The following STAG1 variants were observed in gnomAD, a reference collection of about 807,000 sequenced individuals.
STAG1 encodes the protein cohesin subunit SA-1.
Under a neutral mutation model 170.9 loss-of-function variants are expected in STAG1, and 26 were observed. The ratio of observed to expected loss-of-function variants is 0.15; its 90% confidence interval spans 0.11 to 0.21. The LOEUF (loss-of-function observed/expected upper bound fraction) is 0.21. Ranked by LOEUF, STAG1 falls within the 10% of genes least tolerant of loss-of-function variation. The probability of loss-of-function intolerance (pLI) is 1.00; values close to 1 mark genes in which losing one functional copy is unlikely to be tolerated. For synonymous variants in STAG1, 514 were observed against 497.7 expected (o/e 1.03, Z -0.44); for missense variants, 964 against 1,509.5 (o/e 0.64, Z 5.99).
At chr3:136,422,885 G>C in intron 17 of STAG1, 28 bp from the exon 18 acceptor site, 2 of 1,593,826 alleles carry the variant, frequency 1.3e-6, no homozygotes, top group South Asian at 1.1e-5. Flanking sequence ...GAAAAAGACA[G>C]TAACTACTTT....
At chr3:136,550,705 G>A (rs577853215) in intron 5 of STAG1, among the ~76,000 whole-genome samples, 13 of 152,096 alleles carry the variant, frequency 8.5e-5, no homozygotes, top group Non-Finnish European at 1.2e-4. Context: ...GTGTAGAGTC[G>A]TTCCTTGTAG....
intron 22 of STAG1, among the ~76,000 whole-genome samples, chr3:136,394,320 T>C (rs930851499): frequency 1.3e-4 from 20 of 152,346 alleles, no homozygotes; most frequent in African/African-American, 4.8e-4. Context: ...GACTACTGAA[T>C]ATACCCTGGA....
intron 13 of STAG1, among the ~76,000 whole-genome samples, chr3:136,458,165 G>T (rs2089172178): frequency 6.7e-6 from 1 of 149,454 alleles, no homozygotes; most frequent in Admixed American, 6.6e-5. Flanking sequence ...TTGTTTGTTT[G>T]TTTTGTTTTG....
intron 4 of STAG1, among the ~76,000 whole-genome samples, chr3:136,569,172 TAAA>T (rs2107762458): frequency 6.6e-6 from 1 of 152,162 alleles, no homozygotes; most frequent in East Asian, 1.9e-4. Context: ...AAGAAAATGA[TAAA>T]AATTAACTTC....
chr3:136,506,187 G>A (rs941168888), intron 7 of STAG1, among the ~76,000 whole-genome samples: 1 of 152,160 alleles, frequency 6.6e-6, no homozygotes, highest in Non-Finnish European at 1.5e-5. Flanking sequence ...AGACTAAATA[G>A]GAGCAGTGAG....
At chr3:136,745,994 G>A (rs1024793466) in intron 1 of STAG1, among the ~76,000 whole-genome samples, 2 of 152,076 alleles carry the variant, frequency 1.3e-5, no homozygotes, top group Non-Finnish European at 2.9e-5. Flanking sequence ...GCAATAAGGG[G>A]TATGTTATAT....
chr3:136,375,166 A>T (rs187596236), intron 23 of STAG1, among the ~76,000 whole-genome samples: 1 of 152,308 alleles, frequency 6.6e-6, no homozygotes, highest in East Asian at 1.9e-4. Flanking sequence ...CCTTGTTGTT[A>T]AGTGGTGCAT....
At chr3:136,700,332 T>G (rs1943015600) in intron 1 of STAG1, among the ~76,000 whole-genome samples, 1 of 151,566 alleles carries the variant, frequency 6.6e-6, no homozygotes, top group Admixed American at 6.6e-5. Context: ...AATCTCGGTC[T>G]GCTGAATAAC....
At chr3:136,350,431 T>A (rs939968424) in intron 28 of STAG1, among the ~76,000 whole-genome samples, 1 of 152,074 alleles carries the variant, frequency 6.6e-6, no homozygotes, top group South Asian at 2.1e-4. Flanking sequence ...GAAGCTCCTT[T>A]TATCCCACCA....
rs921602148 is a variant in STAG1 at position 136,502,503 on chromosome 3, C to G, written c.828+125G>C. The G allele has an allele frequency of 1.1e-5, 12 of 1,056,016 alleles. No homozygotes were observed. In the African/African-American group the frequency reaches 1.6e-4, roughly 14 times the overall value. 65.4% of individuals were successfully genotyped at this position (1,056,016 alleles called of 1,614,324 possible). ...AACACTCCAGCTTCATTTGGAAACC[C>G]TGACATCAAATAATCTAACTAAATA... On this transcript the variant is annotated intron_variant, in intron 8 of 33. Coordinates refer to ENST00000383202, the MANE Select transcript of STAG1 (RefSeq NM_005862.3).
At chr3:136,676,088 TG>T (rs1404052669) in intron 1 of STAG1, among the ~76,000 whole-genome samples, 75 of 152,356 alleles carry the variant, frequency 4.9e-4, no homozygotes, top group Non-Finnish European at 3.2e-4. Context: ...AAGCCATTTG[TG>T]TATCTAAACA....
chr3:136,510,304 T>C (rs1399170994), intron 7 of STAG1, among the ~76,000 whole-genome samples: 5 of 152,208 alleles, frequency 3.3e-5, no homozygotes, highest in African/African-American at 1.2e-4. Context: ...TTTTCTTATT[T>C]TTTGAGATGG....
intron 12 of STAG1, among the ~76,000 whole-genome samples, chr3:136,470,354 A>T (rs1412146970): frequency 6.6e-6 from 1 of 152,240 alleles, no homozygotes; most frequent in Admixed American, 6.5e-5. Flanking sequence ...TGAAAAGAAG[A>T]CATTTATGCA....
intron 5 of STAG1, among the ~76,000 whole-genome samples, chr3:136,554,304 A>G (rs1298690395): frequency 6.6e-6 from 1 of 152,206 alleles, no homozygotes; most frequent in African/African-American, 2.4e-5. Flanking sequence ...ATCTACAACC[A>G]TGATGTGGGA....
chr3:136,700,876 CTTTTTTTTT>C (rs35459362), intron 1 of STAG1, among the ~76,000 whole-genome samples: 6 of 78,338 alleles, frequency 7.7e-5, no homozygotes, highest in African/African-American at 2.7e-4. Context: ...TATTTTTTTT[CTTTTTTTTT>C]TTTTTTTTTT....
intron 19 of STAG1, among the ~76,000 whole-genome samples, chr3:136,421,945 G>A (rs1267956546): frequency 6.6e-6 from 1 of 151,954 alleles, no homozygotes; most frequent in African/African-American, 2.4e-5. Context: ...GAGATCAGGA[G>A]TTCACCAGCC....
In STAG1 at chr3:136,362,622, A is replaced by AG. The variant is rs1560058954; in HGVS notation, c.2787+743dup. Among the ~76,000 whole-genome samples, 3 of 150,176 alleles carry AG rather than the reference A, an allele frequency of 2.0e-5. No individual in the cohort carries two copies. In the East Asian group the frequency reaches 5.8e-4, roughly 29 times the overall value. On this transcript the variant is annotated intron_variant, in intron 26 of 33. Transcript: ENST00000383202. ...CATCTCTGCAAAAAAAAAAAAAAAA[A>AG]GAAAAAAAAAGAAAAAAGAAAAGAA... is the stretch of plus-strand genomic sequence containing the variant.
chr3:136,348,415 T>A (rs925415423), intron 29 of STAG1, among the ~76,000 whole-genome samples: 1 of 152,110 alleles, frequency 6.6e-6, no homozygotes, highest in African/African-American at 2.4e-5. Context: ...ACTGCCTTTT[T>A]AAAAAATTAA....
intron 10 of STAG1, 69 bp from the exon 11 acceptor site, chr3:136,473,706 A>G (rs2089678214): frequency 6.0e-6 from 7 of 1,174,478 alleles, no homozygotes. Context: ...AGTCTATATG[A>G]AGACTAAAAT....
Sources: gnomAD v4.1 joint callset for allele counts (sites outside exome capture counted in the v4.1 genomes callset) on GRCh38, gnomAD v4.1.1 for gene constraint, MANE v1.5 for transcripts, NCBI Gene and HGNC (gene_info 2026-07-23, HGNC 2026-07-21) for gene names.